The following DZIP3 variants were observed in gnomAD, a reference collection of about 807,000 sequenced individuals.
DZIP3 encodes DAZ interacting zinc finger protein 3.
DZIP3 carries 118 observed loss-of-function variants against 162.0 expected under a neutral mutation model. The ratio of observed to expected loss-of-function variants is 0.73; its 90% CI spans 0.63 to 0.85. The LOEUF is 0.85. Ranked by LOEUF, DZIP3 falls within the 40% of genes least tolerant of loss-of-function variation. The pLI is 0.00. For missense variants in DZIP3, 1,331 were observed against 1,407.0 expected, an observed-to-expected ratio of 0.95 and a Z score of 0.86; for synonymous variants, 438 against 458.6, an observed-to-expected ratio of 0.96 and a Z score of 0.57.
intron 19 of DZIP3, 170 bp downstream of exon 19, chr3:108,654,480 GA>G (rs957896184): frequency 1.1e-4 from 72 of 638,168 alleles, no homozygotes; most frequent in East Asian, 9.7e-4. Flanking sequence ...ATAGAATAAG[GA>G]AAAAAAAGAA....
At chr3:108,667,533 G>A (rs1269763402) in intron 21 of DZIP3, among the ~76,000 whole-genome samples, 1 of 152,120 alleles carries the variant, frequency 6.6e-6, no homozygotes, top group African/African-American at 2.4e-5. Flanking sequence ...AGGGCAAAAT[G>A]AAGGATCCCT....
At chr3:108,681,360 C>T (rs551632051) in intron 26 of DZIP3, among the ~76,000 whole-genome samples, 275 of 152,150 alleles carry the variant, frequency 1.8e-3, no homozygotes, top group African/African-American at 6.4e-3. Context: ...TAGAGAAATG[C>T]AAATCAGAAC....
intron 21 of DZIP3, among the ~76,000 whole-genome samples, chr3:108,663,867 A>C (rs979537573): frequency 2.0e-5 from 3 of 152,236 alleles, no homozygotes; most frequent in Non-Finnish European, 2.9e-5. Flanking sequence ...TAGAAAACTT[A>C]TGGAAGGCAC....
intron 8 of DZIP3, 108 bp downstream of exon 8, chr3:108,629,284 A>G (rs1183758791): frequency 2.7e-5 from 19 of 711,596 alleles, no homozygotes; most frequent in Non-Finnish European, 3.4e-5. Flanking sequence ...AACTTTTTAT[A>G]CAAGAAACAA....
intron 1 of DZIP3, among the ~76,000 whole-genome samples, chr3:108,593,732 G>C (rs1218498956): frequency 1.3e-5 from 2 of 148,504 alleles, no homozygotes; most frequent in African/African-American, 5.0e-5. Context: ...CTGGAGTGCA[G>C]TGGCATGATC....
At chr3:108,606,147 A>G (rs1215858636) in intron 2 of DZIP3, among the ~76,000 whole-genome samples, 3 of 152,192 alleles carry the variant, frequency 2.0e-5, no homozygotes, top group African/African-American at 7.2e-5. Context: ...TAACAACTCT[A>G]TGAAGTGAGT....
At chr3:108,677,250 CTG>C (rs1944144995) in intron 25 of DZIP3, among the ~76,000 whole-genome samples, 1 of 151,778 alleles carries the variant, frequency 6.6e-6, no homozygotes, top group Non-Finnish European at 1.5e-5. Context: ...TCACAAGAAT[CTG>C]TGAATTATCT....
At chr3:108,659,918 A>G (rs1206539660) in intron 19 of DZIP3, among the ~76,000 whole-genome samples, 2 of 152,166 alleles carry the variant, frequency 1.3e-5, no homozygotes, top group African/African-American at 2.4e-5. Flanking sequence ...ATACCTAGGA[A>G]TCCAACTTAC....
intron 21 of DZIP3, among the ~76,000 whole-genome samples, chr3:108,664,884 C>T (rs1479387196): frequency 1.3e-5 from 2 of 152,188 alleles, no homozygotes; most frequent in East Asian, 3.9e-4. Context: ...ACTTGTACAT[C>T]TCTCGTCTGC....
At position 108,629,064 on chromosome 3, in the gene DZIP3, A is replaced by G; in HGVS notation, c.584A>G (p.Tyr195Cys). ...CCTTATTTTAAAATGCCTTTCAGAT[A>G]TAATGGAGGACTGCTAGAATTTCAT... ...RGLLRCAQKRYNGGLLEFHKS... is the reference protein window; with the variant it reads ...RGLLRCAQKRCNGGLLEFHKS... Residue 195 changes from tyrosine to cysteine, a missense_variant and splice_region_variant, in exon 8 of 33, where the codon TAT becomes TGT. Tyr to Cys is a radical substitution (Grantham distance 194). Around this residue, in one of 2 missense-constraint regions of DZIP3, gnomAD observed 1,278 missense variants for 1,317.1 expected, o/e 0.97. Transcript: ENST00000361582. The G allele has an allele frequency of 6.3e-7, 1 of 1,579,392 alleles. No homozygotes were observed. The highest frequency in any genetic ancestry group is 8.6e-7 in the Non-Finnish European group (1 of 1,165,102).
Position 108,624,497 on chromosome 3 carries a change from A to G in DZIP3, c.429A>G (p.Val143=), listed in dbSNP as rs750400768. 2 of 1,592,448 alleles carry G rather than the reference A, an allele frequency of 1.3e-6. No individual in the cohort carries two copies. Among genetic ancestry groups the G allele is most frequent in the Non-Finnish European group, 1.7e-6 (2 of 1,166,566 alleles). The part of the protein sequence containing the change: ...YYLTLLFLYG[V]ALTERGKKED... ...TGACATTACTGTTTTTATATGGAGTAGCACTCACTGAAAGAGGAAAGAAAG... is the reference window on the plus strand; with the variant it reads ...TGACATTACTGTTTTTATATGGAGTGGCACTCACTGAAAGAGGAAAGAAAG... Residue 143 remains valine (V), a synonymous_variant, in exon 6 of 33, where the codon GTA becomes GTG. Transcript: ENST00000361582.
chr3:108,594,391 C>T (rs1004754297), intron 1 of DZIP3, among the ~76,000 whole-genome samples: 13 of 147,578 alleles, frequency 8.8e-5, no homozygotes, highest in Non-Finnish European at 1.5e-4. Context: ...TAGGACATCT[C>T]TCTCTCTCTC....
rs193247115 is a variant in DZIP3, at chr3:108,634,984, G to A, written c.918+12G>A. On this transcript the variant is annotated intron_variant, in intron 10 of 32. Transcript: ENST00000361582. Reference sequence around the variant, plus strand: ...GTGAAAATGATCAGGTATTATATTCGTTCTTAAAACTACAACAGCATTTCT... The same window carrying A: ...GTGAAAATGATCAGGTATTATATTCATTCTTAAAACTACAACAGCATTTCT... 51 of 1,492,254 alleles carry A rather than the reference G, an allele frequency of 3.4e-5. No homozygotes were observed. Among genetic ancestry groups the A allele is most frequent in the Non-Finnish European group, 4.3e-5 (47 of 1,087,956 alleles). The allele number at this position is 1,492,254 out of a possible 1,614,324, so 92.4% of individuals were successfully genotyped here.
Position 108,688,622 on chromosome 3 carries a change from T to C in DZIP3, c.3300T>C (p.Asn1100=), listed in dbSNP as rs1944579296. 5.6e-6 allele frequency: 9 copies of C among 1,613,252 alleles called. No individual in the cohort carries two copies. The highest frequency in any genetic ancestry group is 1.7e-6 in the Non-Finnish European group (2 of 1,179,792). The change falls in exon 30 of 33, where the codon AAT becomes AAC. Residue 1100 remains asparagine, a synonymous_variant. Transcript: ENST00000361582. ...AAGGAAAATCAGTGTCAAATGTTAA[T>C]TGTGTTTCACCTAGTCATTCTCCAT... is the stretch of plus-strand genomic sequence containing the variant. The part of the protein sequence containing the change: ...QSQGKSVSNV[N]CVSPSHSPSQ...
chr3:108,692,190 T>A (rs1336862567), intron 32 of DZIP3, among the ~76,000 whole-genome samples: 1 of 152,068 alleles, frequency 6.6e-6, no homozygotes, highest in African/African-American at 2.4e-5. Context: ...TTGATTATAA[T>A]TATAATGTGA....
intron 27 of DZIP3, among the ~76,000 whole-genome samples, chr3:108,684,849 C>T (rs1314018205): frequency 1.3e-5 from 2 of 152,050 alleles, no homozygotes; most frequent in East Asian, 3.9e-4. Context: ...TTCCCAGCTA[C>T]AAATAGCCAG....
chr3:108,670,150 C>G (rs1943873499), intron 22 of DZIP3, among the ~76,000 whole-genome samples: 1 of 151,818 alleles, frequency 6.6e-6, no homozygotes, highest in African/African-American at 2.4e-5. Flanking sequence ...TTTTTGAAAT[C>G]CATTTCATAC....
chr3:108,631,055 A>ACACACACACATACACTCTCTCT, intron 8 of DZIP3, among the ~76,000 whole-genome samples: 480 of 18,050 alleles, frequency 0.027, 24 homozygotes, highest in South Asian at 0.07. Flanking sequence ...ACACACACAC[A>ACACACACACATACACTCTCTCT]CTCTCTCTCT....
intron 15 of DZIP3, among the ~76,000 whole-genome samples, 172 bp from the exon 16 acceptor site, chr3:108,647,771 T>C (rs1056704953): frequency 6.6e-6 from 1 of 152,174 alleles, no homozygotes. Context: ...TTTGTACATA[T>C]TATTTGGTAA....
Sources: gnomAD v4.1 joint callset for allele counts (sites outside exome capture counted in the v4.1 genomes callset) on GRCh38, gnomAD v4.1.1 for gene constraint, gnomAD v4.1.1 regional missense constraint, MANE v1.5 for transcripts, NCBI Gene and HGNC (gene_info 2026-07-23, HGNC 2026-07-21) for gene names.